Variants in SCFD2 observed in about 807,000 individuals in gnomAD.
SCFD2 encodes the protein sec1 family domain-containing protein 2.
In SCFD2, 54 loss-of-function variants were observed where a neutral mutation model predicts 58.9. The observed-to-expected ratio is 0.92, with a 90% CI of 0.74 to 1.15. The LOEUF is 1.15. SCFD2 is among the 50% of genes most tolerant of loss of function. SCFD2 has a pLI of 0.00. For missense variants in SCFD2, 805 were observed against 836.6 expected, an observed-to-expected ratio of 0.96 and a Z score of 0.47; for synonymous variants, 321 against 335.9, an observed-to-expected ratio of 0.96 and a Z score of 0.49.
intron 5 of SCFD2, among the ~76,000 whole-genome samples, chr4:52,971,822 C>G (rs935189754): frequency 1.5e-4 from 23 of 152,184 alleles, no homozygotes; most frequent in Non-Finnish European, 2.1e-4. Context: ...GATCTCTCCG[C>G]AGAAACTCTA....
chr4:53,230,078 T>A (rs1318732292), intron 4 of SCFD2, among the ~76,000 whole-genome samples: 1 of 152,266 alleles, frequency 6.6e-6, no homozygotes, highest in South Asian at 2.1e-4. Context: ...TGAGATACCA[T>A]CTCACACCAG....
At chr4:52,970,747 C>T (rs1295005207) in intron 5 of SCFD2, among the ~76,000 whole-genome samples, 1 of 152,208 alleles carries the variant, frequency 6.6e-6, no homozygotes, top group Non-Finnish European at 1.5e-5. Flanking sequence ...CCCCGAGTAG[C>T]CTAACTGGGA....
At chr4:53,138,795 A>G (rs1307785545) in intron 5 of SCFD2, among the ~76,000 whole-genome samples, 1 of 152,232 alleles carries the variant, frequency 6.6e-6, no homozygotes, top group Non-Finnish European at 1.5e-5. Context: ...AAGAATATAC[A>G]GAAATTAAAG....
chr4:53,269,773 T>A (rs1417747508), intron 4 of SCFD2, among the ~76,000 whole-genome samples: 1 of 152,204 alleles, frequency 6.6e-6, no homozygotes, highest in African/African-American at 2.4e-5. Context: ...ATGCCTGTAA[T>A]CCCAACACTG....
chr4:52,893,053 G>C (rs1283808886), intron 7 of SCFD2, among the ~76,000 whole-genome samples: 2 of 152,178 alleles, frequency 1.3e-5, no homozygotes, highest in Non-Finnish European at 2.9e-5. Context: ...GTTTCAAATA[G>C]TGTTGCAAAG....
chr4:52,899,310 G>A (rs1378275174), intron 7 of SCFD2, among the ~76,000 whole-genome samples: 1 of 152,162 alleles, frequency 6.6e-6, no homozygotes, highest in Non-Finnish European at 1.5e-5. Context: ...TCCATGTTTA[G>A]TGCTTCTTTC....
Position 53,103,817 on chromosome 4 carries a change from G to GA in SCFD2, c.1561+41515dup, listed in dbSNP as rs1221538597. ...GCATGGGGTAGGGGATGGGAGAAAA[G>GA]AAAAAAAAATGCCGTAAGGGTTGAC... is the stretch of plus-strand genomic sequence containing the variant. On this transcript the variant is annotated intron_variant, in intron 5 of 8. Transcript: ENST00000401642. 8.0e-4 allele frequency among the ~76,000 whole-genome samples: 19 copies of GA among 23,688 alleles called. 1 individual carries two copies. Among genetic ancestry groups the GA allele is most frequent in the African/African-American group, 7.0e-4 (5 of 7,138 alleles). The allele number at this position is 23,688 out of a possible 152,430, so 15.5% of individuals were successfully genotyped here. A position where few individuals can be genotyped will look rare whatever the true frequency, so the allele number is the denominator to read the frequency against.
intron 1 of SCFD2, among the ~76,000 whole-genome samples, chr4:53,353,441 G>A (rs1180664667): frequency 2.0e-5 from 3 of 152,192 alleles, no homozygotes; most frequent in East Asian, 1.9e-4. Flanking sequence ...CTCCAACAGT[G>A]TGGTAAGGGA....
chr4:53,289,672 G>A (rs560994969), intron 3 of SCFD2, among the ~76,000 whole-genome samples: 1 of 152,148 alleles, frequency 6.6e-6, no homozygotes, highest in South Asian at 2.1e-4. Context: ...CCAATCAGAA[G>A]ATATAGAGTG....
Position 53,106,927 on chromosome 4 carries a change from G to A in SCFD2, c.1561+38406C>T, listed in dbSNP as rs572909598. 3.3e-5 allele frequency among the ~76,000 whole-genome samples: 5 copies of A among 152,228 alleles called. No homozygotes were observed. In the East Asian group the frequency reaches 9.6e-4, roughly 29 times the overall value. ...GCAACCCCAAGACATGTAATCATCA[G>A]ATTCACCAAAATTGAAACGAAGGAA... On this transcript the variant is annotated intron_variant, in intron 5 of 8. Coordinates refer to ENST00000401642, the MANE Select transcript of SCFD2 (RefSeq NM_152540.4).
intron 7 of SCFD2, among the ~76,000 whole-genome samples, chr4:52,891,572 C>A (rs1378528137): frequency 3.3e-5 from 5 of 152,252 alleles, no homozygotes; most frequent in Non-Finnish European, 7.3e-5. Flanking sequence ...CATCTCACTG[C>A]AGAGCAGTAA....
At chr4:53,216,562 T>G (rs1243742929) in intron 4 of SCFD2, among the ~76,000 whole-genome samples, 4 of 152,006 alleles carry the variant, frequency 2.6e-5, no homozygotes, top group African/African-American at 7.2e-5. Context: ...TCTTGCTAGC[T>G]GTCTATCAAT....
At chr4:53,164,610 A>G (rs1267237360) in intron 4 of SCFD2, among the ~76,000 whole-genome samples, 3 of 152,120 alleles carry the variant, frequency 2.0e-5, no homozygotes, top group Non-Finnish European at 4.4e-5. Flanking sequence ...ATTGGCCAAC[A>G]TGGCAAAACC....
rs1006878185 is a variant in SCFD2, at chr4:52,987,372, A to G, written c.1562-66502T>C. On this transcript the variant is annotated intron_variant, in intron 5 of 8. Coordinates refer to ENST00000401642, the MANE Select transcript of SCFD2 (RefSeq NM_152540.4). ...GTCACTCCCTTTCTTCTTTTGTTGT[A>G]GTTATTTAATATCATTTGTTTTTCT... Among the ~76,000 whole-genome samples the G allele has an allele frequency of 4.6e-5, 7 of 152,198 alleles. No homozygotes were observed. In the East Asian group the frequency reaches 1.3e-3, roughly 29 times the overall value.
intron 4 of SCFD2, among the ~76,000 whole-genome samples, chr4:53,240,987 G>A (rs1729874610): frequency 6.6e-6 from 1 of 152,236 alleles, no homozygotes; most frequent in African/African-American, 2.4e-5. Flanking sequence ...AAGGCATTGA[G>A]AGCAGACAGA....
At chr4:52,897,498 G>A (rs1204526766) in intron 7 of SCFD2, among the ~76,000 whole-genome samples, 1 of 152,186 alleles carries the variant, frequency 6.6e-6, no homozygotes, top group East Asian at 1.9e-4. Flanking sequence ...TGCATCCCAG[G>A]GATGAAGCCC....
At chr4:53,010,850 A>G (rs539812408) in intron 5 of SCFD2, among the ~76,000 whole-genome samples, 3 of 152,290 alleles carry the variant, frequency 2.0e-5, no homozygotes, top group Non-Finnish European at 4.4e-5. Context: ...TCCCAAATAC[A>G]TAGCAGCAGG....
At position 53,356,731 on chromosome 4, in the gene SCFD2, C is replaced by T. The variant is rs1338487409; in HGVS notation, c.839-3965G>A. On this transcript the variant is annotated intron_variant, in intron 1 of 8. Transcript: ENST00000401642. ...TGAGTCACCACACCCAACTTGTAGA[C>T]TTTTTTTTTTTTTTTTTTTTGTTGA... Among the ~76,000 whole-genome samples, 12 of 112,898 alleles carry T rather than the reference C, an allele frequency of 1.1e-4. 1 individual carries two copies. In the South Asian group the frequency reaches 1.7e-3, roughly 16 times the overall value. The allele number at this position is 112,898 out of a possible 152,430, so 74.1% of individuals were successfully genotyped here. A position where few individuals can be genotyped will look rare whatever the true frequency, so the allele number is the denominator to read the frequency against.
At chr4:53,192,305 T>C (rs1341050615) in intron 4 of SCFD2, among the ~76,000 whole-genome samples, 1 of 152,222 alleles carries the variant, frequency 6.6e-6, no homozygotes, top group Non-Finnish European at 1.5e-5. Flanking sequence ...TATAGTCTAG[T>C]ACCTTTCCTT....
Sources: gnomAD v4.1 joint callset for allele counts (sites outside exome capture counted in the v4.1 genomes callset) on GRCh38, gnomAD v4.1.1 for gene constraint, MANE v1.5 for transcripts, NCBI Gene and HGNC (gene_info 2026-07-23, HGNC 2026-07-21) for gene names.